PIK3AP1: variants seen among roughly 807,000 people sequenced by gnomAD.
PIK3AP1 encodes the protein phosphoinositide 3-kinase adapter protein 1.
PIK3AP1 carries 21 observed loss-of-function variants against 88.1 expected under a neutral mutation model. The ratio of observed to expected loss-of-function variants is 0.24; its 90% CI spans 0.17 to 0.34. PIK3AP1 has a LOEUF of 0.34. Among genes scored for constraint, PIK3AP1 ranks in the 10% least tolerant of loss-of-function variants. The pLI, the probability that PIK3AP1 is intolerant of heterozygous loss-of-function variation, is 1.00. For synonymous variants in PIK3AP1, 398 were observed against 400.0 expected (o/e 1.00, Z 0.06); for missense variants, 828 against 1,035.7 (o/e 0.80, Z 2.75).
chr10:96,701,999 T>C (rs989358362), intron 2 of PIK3AP1, among the ~76,000 whole-genome samples: 9 of 152,292 alleles, frequency 5.9e-5, no homozygotes, highest in African/African-American at 2.2e-4. Flanking sequence ...TTGCCATTTG[T>C]GACAATGTGG....
At chr10:96,713,429 G>A (rs1409224416) in intron 1 of PIK3AP1, among the ~76,000 whole-genome samples, 1 of 151,176 alleles carries the variant, frequency 6.6e-6, no homozygotes, top group African/African-American at 2.4e-5. Flanking sequence ...GCATGGACCT[G>A]GGAGGCGGAG....
At chr10:96,652,233 A>G (rs990203772) in intron 4 of PIK3AP1, among the ~76,000 whole-genome samples, 2 of 152,168 alleles carry the variant, frequency 1.3e-5, no homozygotes, top group African/African-American at 2.4e-5. Flanking sequence ...ATTCACCCAC[A>G]CTAGTAATCA....
intron 6 of PIK3AP1, among the ~76,000 whole-genome samples, chr10:96,650,465 C>T (rs574237923): frequency 6.6e-6 from 1 of 152,220 alleles, no homozygotes; most frequent in East Asian, 1.9e-4. Context: ...CAAGAGGCTG[C>T]TCCTCCCTCA....
intron 6 of PIK3AP1, among the ~76,000 whole-genome samples, chr10:96,649,903 A>G (rs1398397978): frequency 6.6e-6 from 1 of 152,210 alleles, no homozygotes; most frequent in Non-Finnish European, 1.5e-5. Context: ...AACCAAGAAA[A>G]TGGACATGTT....
At chr10:96,643,146 G>T (rs1473539769) in intron 8 of PIK3AP1, among the ~76,000 whole-genome samples, 1 of 152,214 alleles carries the variant, frequency 6.6e-6, no homozygotes, top group Non-Finnish European at 1.5e-5. Flanking sequence ...ATAGGATGAT[G>T]GGCAAGGCTA....
At chr10:96,682,573 C>T (rs1452918066) in intron 2 of PIK3AP1, among the ~76,000 whole-genome samples, 1 of 152,168 alleles carries the variant, frequency 6.6e-6, no homozygotes, top group African/African-American at 2.4e-5. Flanking sequence ...ACCGTCTCCC[C>T]ATGATGAGAT....
chr10:96,696,985 A>G (rs1844229869), intron 2 of PIK3AP1, among the ~76,000 whole-genome samples: 1 of 152,232 alleles, frequency 6.6e-6, no homozygotes, highest in African/African-American at 2.4e-5. Flanking sequence ...TGAGATGTCA[A>G]CATATTTTTC....
chr10:96,628,889 C>CATATACATATACATATAT (rs1554955371), intron 8 of PIK3AP1, among the ~76,000 whole-genome samples: 1 of 60,850 alleles, frequency 1.6e-5, no homozygotes, highest in Non-Finnish European at 3.1e-5. Flanking sequence ...TATATATATA[C>CATATACATATACATATAT]ATATATATAT....
intron 8 of PIK3AP1, 148 bp downstream of exon 8, chr10:96,645,325 C>T (rs1843443672): frequency 2.7e-6 from 2 of 741,710 alleles, no homozygotes; most frequent in Admixed American, 7.3e-5. Flanking sequence ...GCACATGACT[C>T]CAGCCCTAGC....
chr10:96,598,795 G>C (rs1848830321), intron 16 of PIK3AP1, among the ~76,000 whole-genome samples: 1 of 152,164 alleles, frequency 6.6e-6, no homozygotes, highest in Admixed American at 6.5e-5. Context: ...GAGTAGAAGG[G>C]AGTAGGAAGA....
In PIK3AP1 at chr10:96,626,764, T is replaced by G. The variant is rs1225050795; in HGVS notation, c.1613A>C (p.Glu538Ala). 20 of 1,614,244 alleles carry G rather than the reference T, an allele frequency of 1.2e-5. No homozygotes were observed. The highest frequency in any genetic ancestry group is 1.6e-5 in the Non-Finnish European group (19 of 1,180,044). ...SRPPVPVPRP[E>A]TTAPGAHQLP... ...CTGGTGAGCACCAGGAGCAGTGGTC[T>G]CTGGTCTGGGCACTGGGACAGGGGG... Residue 538 changes from glutamate to alanine, a missense_variant, in exon 10 of 17, where the codon GAG becomes GCG. Physicochemically the swap from Glu to Ala is moderately radical, Grantham distance 107. Coordinates refer to ENST00000339364, the MANE Select transcript of PIK3AP1 (RefSeq NM_152309.3).
At chr10:96,610,429 C>T (rs541193321) in intron 13 of PIK3AP1, among the ~76,000 whole-genome samples, 6 of 152,034 alleles carry the variant, frequency 3.9e-5, no homozygotes, top group Non-Finnish European at 7.4e-5. Context: ...CATGTCCTGT[C>T]GAACAGTTGG....
chr10:96,593,529 T>C lies in PIK3AP1; in HGVS notation c.*2048A>G, dbSNP rs1848707513. On this transcript the variant is annotated 3_prime_UTR_variant, in exon 17 of 17. Coordinates refer to ENST00000339364, the MANE Select transcript of PIK3AP1 (RefSeq NM_152309.3). ...CATCCAAAAGGGGGCTTACAGTTAT[T>C]GAATATTTTTCCCAGCCCTATTTTA... 6.6e-6 allele frequency: 1 copy of C among 152,222 alleles called. No homozygotes were observed. 9.4% of individuals were successfully genotyped at this position (152,222 alleles called of 1,614,324 possible). A position where few individuals can be genotyped will look rare whatever the true frequency, so the allele number is the denominator to read the frequency against.
At chr10:96,665,516 T>C (rs1843748709) in intron 2 of PIK3AP1, among the ~76,000 whole-genome samples, 1 of 152,206 alleles carries the variant, frequency 6.6e-6, no homozygotes, top group African/African-American at 2.4e-5. Context: ...ATCCAGTCAG[T>C]ATATGAGTCA....
At position 96,652,723 on chromosome 10, in the gene PIK3AP1, C is replaced by G; in HGVS notation, c.687G>C (p.Glu229Asp). Reference protein sequence around the residue: ...SVRMEAKVENEYTISVKAPNL... With the variant: ...SVRMEAKVENDYTISVKAPNL... ...TGGGAGCCTTCACTGAAATGGTGTA[C>G]TCATTCTCCACCTTGGCTTCCATCC... Residue 229 changes from glutamate to aspartate, a missense_variant, in exon 4 of 17, where the codon GAG (glutamate) becomes GAC (aspartate). Physicochemically the swap from Glu to Asp is conservative, Grantham distance 45 (BLOSUM62 2). Transcript: ENST00000339364. 1 of 1,614,156 alleles carries G rather than the reference C, an allele frequency of 6.2e-7. No individual in the cohort carries two copies. Among genetic ancestry groups the G allele is most frequent in the Non-Finnish European group, 8.5e-7 (1 of 1,180,000 alleles).
chr10:96,615,785 C>T (rs1849205419), intron 13 of PIK3AP1, among the ~76,000 whole-genome samples: 1 of 152,164 alleles, frequency 6.6e-6, no homozygotes, highest in South Asian at 2.1e-4. Context: ...GAGAGAATGT[C>T]CCATTTGGAC....
At chr10:96,628,898 ATATATATATGTG>A (rs1402662625) in intron 8 of PIK3AP1, among the ~76,000 whole-genome samples, 14,780 of 47,140 alleles carry the variant, frequency 0.31, 2,447 homozygotes, top group Non-Finnish European at 0.4. Flanking sequence ...ACATATATAT[ATATATATATGTG>A]TATATATATA....
intron 8 of PIK3AP1, 65 bp from the exon 9 acceptor site, chr10:96,628,558 G>C (rs1843184607): frequency 1.5e-6 from 2 of 1,311,310 alleles, no homozygotes; most frequent in Non-Finnish European, 2.2e-6. Context: ...GATTTTTACA[G>C]ATGGAACTAT....
chr10:96,629,909 C>CAAAAAAAAAA (rs66669261), intron 8 of PIK3AP1, among the ~76,000 whole-genome samples: 4 of 5,414 alleles, frequency 7.4e-4, no homozygotes, highest in African/African-American at 1.0e-3. Flanking sequence ...CAACAACAAC[C>CAAAAAAAAAA]AAAAAAAAAA....
Sources: gnomAD v4.1 joint callset for allele counts (sites outside exome capture counted in the v4.1 genomes callset) on GRCh38, gnomAD v4.1.1 for gene constraint, MANE v1.5 for transcripts, NCBI Gene and HGNC (gene_info 2026-07-23, HGNC 2026-07-21) for gene names.